RYR2: variants seen among roughly 807,000 people sequenced by gnomAD.
The protein encoded by RYR2 is ryanodine receptor 2.
In RYR2, 227 loss-of-function variants were observed where a neutral mutation model predicts 601.1. That is an observed-to-expected ratio of 0.38 (90% confidence interval 0.34 to 0.42). The LOEUF is 0.42. Ranked by LOEUF, RYR2 falls within the 10% of genes least tolerant of loss-of-function variation. RYR2 has a pLI of 1.00. For missense variants in RYR2, 4,646 were observed against 6,156.5 expected, an observed-to-expected ratio of 0.75 and a Z score of 8.21; for synonymous variants, 2,223 against 2,175.1, an observed-to-expected ratio of 1.02 and a Z score of -0.61.
chr1:237,332,679 A>G (rs1696862152), intron 3 of RYR2, among the ~76,000 whole-genome samples: 1 of 152,206 alleles, frequency 6.6e-6, no homozygotes, highest in Admixed American at 6.5e-5. Context: ...GTCTTTATAG[A>G]TAACAACTTA....
At chr1:237,760,892 C>T (rs996176995) in intron 83 of RYR2, 63 bp from the exon 84 acceptor site, 3 of 1,072,848 alleles carry the variant, frequency 2.8e-6, no homozygotes, top group Non-Finnish European at 4.2e-6. Flanking sequence ...GATGTTTGCT[C>T]TCCTGAGCAA....
intron 2 of RYR2, among the ~76,000 whole-genome samples, chr1:237,309,682 C>T (rs929301868): frequency 3.9e-5 from 6 of 152,176 alleles, no homozygotes; most frequent in Middle Eastern, 6.8e-3. Flanking sequence ...GAGCAGGGGG[C>T]GGCGCTTGTC....
intron 84 of RYR2, among the ~76,000 whole-genome samples, chr1:237,763,437 C>G (rs1693590814): frequency 6.6e-6 from 1 of 152,164 alleles, no homozygotes; most frequent in South Asian, 2.1e-4. Context: ...GGGAGGCCTA[C>G]TGAGTTTTTC....
intron 1 of RYR2, among the ~76,000 whole-genome samples, chr1:237,065,248 A>C (rs1663421259): frequency 6.7e-6 from 1 of 148,504 alleles, no homozygotes; most frequent in Non-Finnish European, 1.5e-5. Context: ...TTCCATCCTC[A>C]AAGAGCTCTT....
intron 1 of RYR2, among the ~76,000 whole-genome samples, chr1:237,189,883 T>TTA (rs1255804641): frequency 6.9e-4 from 104 of 151,558 alleles, no homozygotes; most frequent in Admixed American, 2.3e-3. Flanking sequence ...ATTTTTATTT[T>TTA]TTTTTTTGAG....
In RYR2 at chr1:237,790,845, A is replaced by G. The variant is rs1658297875; in HGVS notation, c.13477-584A>G. ...CTGAACCACCACACTGTCAAAGACAAGACAACCTTTTATCAGAAGCCTACA... is the reference window on the plus strand; with the variant it reads ...CTGAACCACCACACTGTCAAAGACAGGACAACCTTTTATCAGAAGCCTACA... On this transcript the variant is annotated intron_variant, in intron 92 of 104. Transcript: ENST00000366574. Among the ~76,000 whole-genome samples, 4 of 152,132 alleles carry G rather than the reference A, an allele frequency of 2.6e-5. No individual in the cohort carries two copies. The South Asian group carries it at 8.3e-4, about 32-fold the overall frequency.
At position 237,666,397 on chromosome 1, in the gene RYR2, T is replaced by C. The variant is rs186941400; in HGVS notation, c.8437-115T>C. On this transcript the variant is annotated intron_variant, in intron 56 of 104. Coordinates refer to ENST00000366574, the MANE Select transcript of RYR2 (RefSeq NM_001035.3). ...ATCATTTTGTATAGAAACTTGCCAGTTTTATCTAAGGAAACACTATGTTTG... is the reference window on the plus strand; with the variant it reads ...ATCATTTTGTATAGAAACTTGCCAGCTTTATCTAAGGAAACACTATGTTTG... The C allele has an allele frequency of 4.9e-4, 418 of 854,922 alleles. 2 individuals carry two copies. Among genetic ancestry groups the C allele is most frequent in the Middle Eastern group, 3.0e-3 (14 of 4,594 alleles). The allele number at this position is 854,922 out of a possible 1,614,324, so 53.0% of individuals were successfully genotyped here.
chr1:237,055,702 A>C (rs1661906122), intron 1 of RYR2, among the ~76,000 whole-genome samples: 1 of 152,172 alleles, frequency 6.6e-6, no homozygotes, highest in Admixed American at 6.5e-5. Flanking sequence ...TATGTTATGG[A>C]CTGAATTATG....
chr1:237,743,285 A>T (rs991433844), intron 80 of RYR2, among the ~76,000 whole-genome samples: 1 of 152,214 alleles, frequency 6.6e-6, no homozygotes, highest in African/African-American at 2.4e-5. Context: ...TGCATTTGTT[A>T]TGAACCTCTC....
intron 25 of RYR2, among the ~76,000 whole-genome samples, chr1:237,547,448 A>G (rs1225894474): frequency 6.6e-6 from 1 of 152,228 alleles, no homozygotes; most frequent in African/African-American, 2.4e-5. Flanking sequence ...AATTATTTCA[A>G]CAACTGTATA....
At chr1:237,651,935 G>C (rs951984561) in intron 51 of RYR2, among the ~76,000 whole-genome samples, 1 of 152,150 alleles carries the variant, frequency 6.6e-6, no homozygotes, top group African/African-American at 2.4e-5. Context: ...TACGTGGAAG[G>C]CTGAGGCAGG....
At chr1:237,528,282 C>A (rs1030257014) in intron 24 of RYR2, among the ~76,000 whole-genome samples, 2 of 152,062 alleles carry the variant, frequency 1.3e-5, no homozygotes, top group African/African-American at 2.4e-5. Context: ...TATAATAGTT[C>A]TATTTTCTAT....
At chr1:237,433,098 A>G (rs1349465233) in intron 12 of RYR2, among the ~76,000 whole-genome samples, 2 of 152,050 alleles carry the variant, frequency 1.3e-5, no homozygotes, top group Non-Finnish European at 2.9e-5. Context: ...ATTTTACCCA[A>G]TTTTGATTGG....
chr1:237,654,925 T>C (rs955311579), intron 52 of RYR2, among the ~76,000 whole-genome samples: 1 of 152,224 alleles, frequency 6.6e-6, no homozygotes, highest in African/African-American at 2.4e-5. Context: ...AGTTCATATG[T>C]TTTCAGATGA....
At chr1:237,595,715 A>G (rs952456357) in intron 34 of RYR2, 58 bp downstream of exon 34, 4 of 1,542,990 alleles carry the variant, frequency 2.6e-6, no homozygotes, top group Middle Eastern at 1.9e-4. Context: ...TCCCCCATTA[A>G]AGGAAAACAC....
intron 2 of RYR2, among the ~76,000 whole-genome samples, chr1:237,307,197 T>C (rs1572543753): frequency 6.6e-6 from 1 of 152,200 alleles, no homozygotes; most frequent in Non-Finnish European, 1.5e-5. Context: ...TGCTAAGGCA[T>C]TGCACATACG....
At chr1:237,057,957 A>C (rs188637881) in intron 1 of RYR2, among the ~76,000 whole-genome samples, 1 of 152,176 alleles carries the variant, frequency 6.6e-6, no homozygotes, top group Non-Finnish European at 1.5e-5. Context: ...CCTTTTGATC[A>C]TTAAAATTAG....
intron 91 of RYR2, among the ~76,000 whole-genome samples, chr1:237,786,713 T>C (rs754197872): frequency 2.0e-5 from 3 of 152,242 alleles, no homozygotes; most frequent in Non-Finnish European, 4.4e-5. Context: ...TCCACGTTTA[T>C]AGAATTTTAT....
intron 1 of RYR2, among the ~76,000 whole-genome samples, chr1:237,144,182 T>C (rs2148774520): frequency 6.6e-6 from 1 of 152,232 alleles, no homozygotes; most frequent in African/African-American, 2.4e-5. Flanking sequence ...ATAGGCCATC[T>C]ACTAAAAGAG....
Sources: gnomAD v4.1 joint callset for allele counts (sites outside exome capture counted in the v4.1 genomes callset) on GRCh38, gnomAD v4.1.1 for gene constraint, MANE v1.5 for transcripts, NCBI Gene and HGNC (gene_info 2026-07-23, HGNC 2026-07-21) for gene names.